EDN3: variants seen among roughly 807,000 people sequenced by gnomAD.
EDN3 encodes endothelin-3.
A neutral mutation model predicts 21.4 loss-of-function variants in EDN3; 9 were observed. That is an observed-to-expected ratio of 0.42 (90% CI 0.25 to 0.73). The LOEUF (loss-of-function observed/expected upper bound fraction) is 0.73, where lower values mean the gene tolerates loss of function less well. Among genes scored for constraint, EDN3 ranks in the 30% least tolerant of loss-of-function variants. EDN3 has a pLI of 0.26. For missense variants in EDN3, 327 were observed against 309.4 expected (o/e 1.06, Z -0.43); for synonymous variants, 133 against 126.2 (o/e 1.05, Z -0.36).
At position 59,305,445 on chromosome 20, in the gene EDN3, TC is replaced by T. The variant is rs1204125587; in HGVS notation, c.365+3724del. On this transcript the variant is annotated intron_variant, in intron 2 of 4. Transcript: ENST00000337938. This position sits in a 1 kb window ranked among gnomAD's most constrained non-coding sequence, Gnocchi z 4.2. Reference sequence around the variant, plus strand: ...ACCAGGTAGCTGGGGCCTGTAGGAGTCAGGGTTCTCTAGAGAGACAGAACCA... The same window carrying T: ...ACCAGGTAGCTGGGGCCTGTAGGAGTAGGGTTCTCTAGAGAGACAGAACCA... 6.6e-6 allele frequency among the ~76,000 whole-genome samples: 1 copy of T among 152,050 alleles called. No individual in the cohort carries two copies. The highest frequency in any genetic ancestry group is 1.5e-5 in the Non-Finnish European group (1 of 68,010).
At chr20:59,309,947 G>C (rs1989687714) in intron 2 of EDN3, among the ~76,000 whole-genome samples, 1 of 152,174 alleles carries the variant, frequency 6.6e-6, no homozygotes, top group African/African-American at 2.4e-5. Context: ...TTTGTAGCAA[G>C]AAAACTTGGT....
At chr20:59,316,063 G>A (rs1990159524) in intron 2 of EDN3, among the ~76,000 whole-genome samples, 1 of 152,196 alleles carries the variant, frequency 6.6e-6, no homozygotes, top group Non-Finnish European at 1.5e-5. Flanking sequence ...GTGTGTGCCT[G>A]TAGTCCCAGC....
At chr20:59,319,747 A>G (rs1011892534) in intron 2 of EDN3, among the ~76,000 whole-genome samples, 6 of 151,940 alleles carry the variant, frequency 3.9e-5, no homozygotes, top group African/African-American at 1.4e-4. Flanking sequence ...AAAAAAGAAA[A>G]AAAAGAAAAA....
rs893956031 is a variant in EDN3 at position 59,321,331 on chromosome 20, A to G, written c.542+138A>G. On this transcript the variant is annotated intron_variant, in intron 3 of 4. Transcript: ENST00000337938. Reference sequence around the variant, plus strand: ...TACTGTCGTCCTGTGGGCCAGAGAAAGGAGGTGCTGAGCCCAGAAAAGACC... The same window carrying G: ...TACTGTCGTCCTGTGGGCCAGAGAAGGGAGGTGCTGAGCCCAGAAAAGACC... 17 of 1,060,968 alleles carry G rather than the reference A, an allele frequency of 1.6e-5. 1 individual carries two copies. The highest frequency in any genetic ancestry group is 2.3e-5 in the Non-Finnish European group (16 of 698,320). The allele number at this position is 1,060,968 out of a possible 1,614,324, so 65.7% of individuals were successfully genotyped here. A position where few individuals can be genotyped will look rare whatever the true frequency, so the allele number is the denominator to read the frequency against.
Position 59,324,524 on chromosome 20 carries a change from T to C in EDN3, c.*65T>C. On this transcript the variant is annotated 3_prime_UTR_variant, in exon 5 of 5. Coordinates refer to ENST00000337938, the MANE Select transcript of EDN3 (RefSeq NM_207034.3). ...GTCATTGCTCACACACAGTTCAGAT[T>C]TCCACCTCTTTATAGACAAGAAGTG... 3 of 1,610,192 alleles carry C rather than the reference T, an allele frequency of 1.9e-6. No homozygotes were observed. The highest frequency in any genetic ancestry group is 2.5e-6 in the Non-Finnish European group (3 of 1,177,330).
At chr20:59,300,918 C>T in intron 1 of EDN3, 54 bp downstream of exon 1, 5 of 1,591,366 alleles carry the variant, frequency 3.1e-6, no homozygotes, top group Non-Finnish European at 3.4e-6. Flanking sequence ...CAAAAGGACC[C>T]AGGGCGGGGG....
At chr20:59,307,668 C>T in intron 2 of EDN3, among the ~76,000 whole-genome samples, 1 of 152,100 alleles carries the variant, frequency 6.6e-6, no homozygotes, top group Non-Finnish European at 1.5e-5. Flanking sequence ...CCATCCGTGA[C>T]TGATTAAGGG....
At chr20:59,304,059 C>T (rs1213906375) in intron 2 of EDN3, among the ~76,000 whole-genome samples, 1 of 152,052 alleles carries the variant, frequency 6.6e-6, no homozygotes, top group Non-Finnish European at 1.5e-5. Flanking sequence ...CTCCAAACTT[C>T]CTCCTGCCCT....
rs11570357 is a variant in EDN3 at position 59,325,374 on chromosome 20, C to T, written c.*915C>T. 0.018 allele frequency: 2,727 copies of T among 152,594 alleles called. 37 individuals carry two copies. Among genetic ancestry groups the T allele is most frequent in the Non-Finnish European group, 0.025 (1,675 of 68,014 alleles). The allele number at this position is 152,594 out of a possible 1,614,324, so 9.5% of individuals were successfully genotyped here. A position where few individuals can be genotyped will look rare whatever the true frequency, so the allele number is the denominator to read the frequency against. On this transcript the variant is annotated 3_prime_UTR_variant, in exon 5 of 5. Coordinates refer to ENST00000337938, the MANE Select transcript of EDN3 (RefSeq NM_207034.3). ...TATATAAATTGGCAACAACTTATAC[C>T]GTCTGACAGTTCAAAATCTCTTTCA...
intron 2 of EDN3, among the ~76,000 whole-genome samples, chr20:59,312,370 T>A (rs151232668): frequency 8.7e-4 from 133 of 152,308 alleles, no homozygotes; most frequent in African/African-American, 3.2e-3. Flanking sequence ...CTCTAATTTT[T>A]TTTTTAGCCA....
chr20:59,317,652 G>A (rs3026584), intron 2 of EDN3, among the ~76,000 whole-genome samples: 1,737 of 152,270 alleles, frequency 0.011, 25 homozygotes, highest in African/African-American at 0.039. Flanking sequence ...TGAAGGCATG[G>A]ACACATAGGG....
intron 2 of EDN3, among the ~76,000 whole-genome samples, chr20:59,304,983 C>G (rs569062067): frequency 9.8e-5 from 15 of 152,310 alleles, no homozygotes; most frequent in South Asian, 4.1e-4. Flanking sequence ...AGTGCCTTCT[C>G]CCACACAGGA....
chr20:59,301,808 G>A (rs942042180), intron 2 of EDN3, 86 bp downstream of exon 2: 1 of 1,465,726 alleles, frequency 6.8e-7, no homozygotes, highest in Admixed American at 1.7e-5. Flanking sequence ...CTCCACCCCA[G>A]CCCCGCTCAG....
At position 59,301,732 on chromosome 20, in the gene EDN3, C is replaced by A; in HGVS notation, c.365+10C>A. The A allele has an allele frequency of 6.2e-7, 1 of 1,614,052 alleles. No homozygotes were observed. Among genetic ancestry groups the A allele is most frequent in the Non-Finnish European group, 8.5e-7 (1 of 1,179,884 alleles). The stretch of plus-strand genomic sequence containing the variant: ...GGATCAACACTCCCGAGTAAGTCAG[C>A]CTTTTGTGGTGAGGAACGTGGCTCC... On this transcript the variant is annotated intron_variant, in intron 2 of 4. Coordinates refer to ENST00000337938, the MANE Select transcript of EDN3 (RefSeq NM_207034.3).
chr20:59,314,862 G>T (rs185857139), intron 2 of EDN3, among the ~76,000 whole-genome samples: 1 of 152,272 alleles, frequency 6.6e-6, no homozygotes, highest in East Asian at 1.9e-4. Context: ...CCTCCCCTTT[G>T]TCTCCATGTG....
Position 59,305,964 on chromosome 20 carries a change from G to C in EDN3, c.365+4242G>C, listed in dbSNP as rs1269432951. 6.6e-6 allele frequency among the ~76,000 whole-genome samples: 1 copy of C among 152,188 alleles called. No individual in the cohort carries two copies. The highest frequency in any genetic ancestry group is 1.5e-5 in the Non-Finnish European group (1 of 68,028). On this transcript the variant is annotated intron_variant, in intron 2 of 4. Transcript: ENST00000337938. This position sits in a 1 kb window ranked among gnomAD's most constrained non-coding sequence, Gnocchi z 4.2. ...TGACACCTAAAGTGACCCATAACGG[G>C]GATGTCAGCTCGAACCACATTTCAT...
At position 59,322,953 on chromosome 20, in the gene EDN3, T is replaced by G. The variant is rs1418170728; in HGVS notation, c.588+536T>G. Among the ~76,000 whole-genome samples the G allele has an allele frequency of 6.6e-6, 1 of 152,210 alleles. No homozygotes were observed. Among genetic ancestry groups the G allele is most frequent in the East Asian group, 1.9e-4 (1 of 5,206 alleles). Reference sequence around the variant, plus strand: ...ATTATTTTTTTTAACCCACTTGTCTTTTTTGTATGAGAGATCCTGAGGGTT... The same window carrying G: ...ATTATTTTTTTTAACCCACTTGTCTGTTTTGTATGAGAGATCCTGAGGGTT... On this transcript the variant is annotated intron_variant, in intron 4 of 4. Coordinates refer to ENST00000337938, the MANE Select transcript of EDN3 (RefSeq NM_207034.3). The surrounding 1 kb of genome is among the most constrained non-coding windows in gnomAD (Gnocchi z 4.1).
chr20:59,314,585 G>A (rs955869847), intron 2 of EDN3, among the ~76,000 whole-genome samples: 16 of 152,128 alleles, frequency 1.1e-4, no homozygotes, highest in South Asian at 8.3e-4. Context: ...TTCTGATCTC[G>A]AGTTGCCCCT....
intron 2 of EDN3, among the ~76,000 whole-genome samples, chr20:59,308,170 G>A (rs1008488954): frequency 6.6e-6 from 1 of 152,180 alleles, no homozygotes; most frequent in African/African-American, 2.4e-5. Context: ...CAAACCAGAA[G>A]GTTTGTCCTG....
Sources: allele counts gnomAD v4.1 joint callset (sites outside exome capture counted in the v4.1 genomes callset), GRCh38; gene constraint gnomAD v4.1.1; non-coding constraint Gnocchi (gnomAD v3.1); transcripts MANE v1.5; gene names NCBI Gene and HGNC (gene_info 2026-07-23, HGNC 2026-07-21).